RNF17: variants seen among roughly 807,000 people sequenced by gnomAD.
The protein encoded by RNF17 is ring finger protein 17, also known as spermatogenesis associated 23.
RNF17 carries 31 observed loss-of-function variants against 200.5 expected under a neutral mutation model. That is an observed-to-expected ratio of 0.15 (90% CI 0.12 to 0.21). The LOEUF is 0.21. Ranked by LOEUF, RNF17 falls within the 10% of genes least tolerant of loss-of-function variation. The pLI, the probability that RNF17 is intolerant of heterozygous loss-of-function variation, is 1.00. For synonymous variants in RNF17, 606 were observed against 637.8 expected (o/e 0.95, Z 0.75); for missense variants, 1,628 against 1,905.1 (o/e 0.85, Z 2.71).
At chr13:24,758,975 G>C in the RNF17 span, among the ~76,000 whole-genome samples, 2 of 150,690 alleles carry the variant, frequency 1.3e-5, no homozygotes, top group South Asian at 4.2e-4. Context: ...ACTTACTCGG[G>C]AGGCTGAGCC....
chr13:24,756,613 A>T, the RNF17 span, among the ~76,000 whole-genome samples: 6 of 151,932 alleles, frequency 3.9e-5, no homozygotes, highest in Non-Finnish European at 8.8e-5. Context: ...AACCACTCAG[A>T]TCCACTTCTG....
chr13:24,778,478 T>C (rs1881891735), intron 4 of RNF17, 72 bp downstream of exon 4: 1 of 930,052 alleles, frequency 1.1e-6, no homozygotes, highest in Admixed American at 1.9e-5. Flanking sequence ...CTCAACTTTC[T>C]TCTCCTATAA....
In RNF17 at chr13:24,876,947, A is replaced by G. The variant is rs200860408; in HGVS notation, c.4584-50A>G. On this transcript the variant is annotated intron_variant, in intron 33 of 35. Coordinates refer to ENST00000255324, the MANE Select transcript of RNF17 (RefSeq NM_031277.3). ...CCCTATGTTTTCTTCTAAGAATTGG[A>G]TAGTTTCAGCCGGAAGAGAATTTTA... The G allele has an allele frequency of 7.7e-6, 11 of 1,430,168 alleles. No individual in the cohort carries two copies. The Admixed American group carries it at 9.4e-5, about 12-fold the overall frequency. 88.6% of individuals were successfully genotyped at this position (1,430,168 alleles called of 1,614,324 possible).
chr13:24,879,097 T>A (rs1238175335), intron 34 of RNF17, 90 bp from the exon 35 acceptor site: 44 of 928,544 alleles, frequency 4.7e-5, no homozygotes, highest in East Asian at 4.2e-4. Flanking sequence ...TGAGAACACC[T>A]TTTCACACCC....
chr13:24,879,165 C>G (rs768794500), intron 34 of RNF17, 22 bp from the exon 35 acceptor site: 1 of 1,565,148 alleles, frequency 6.4e-7, no homozygotes, highest in Admixed American at 1.7e-5. Flanking sequence ...GTTTTCTTGA[C>G]AACTGTATCT....
At position 24,804,837 on chromosome 13, in the gene RNF17, G is replaced by T. The variant is rs146810322; in HGVS notation, c.2091+408G>T. ...ATTTCGTATTGAACTTTGGATGTGT[G>T]ACTGATGTGTTTAGATAGTAACAAT... On this transcript the variant is annotated intron_variant, in intron 15 of 35. Transcript: ENST00000255324. 3.7e-4 allele frequency among the ~76,000 whole-genome samples: 57 copies of T among 152,278 alleles called. No individual in the cohort carries two copies. In the East Asian group the frequency reaches 9.8e-3, roughly 26 times the overall value.
chr13:24,804,536 CACT>C, intron 15 of RNF17, 107 bp downstream of exon 15: 1 of 738,152 alleles, frequency 1.4e-6, no homozygotes, highest in East Asian at 2.9e-5. Flanking sequence ...GCAAACGTAC[CACT>C]GTTAACCTTC....
At chr13:24,832,152 T>C (rs75794130) in intron 18 of RNF17, among the ~76,000 whole-genome samples, 174 bp downstream of exon 18, 21 of 152,316 alleles carry the variant, frequency 1.4e-4, no homozygotes, top group Non-Finnish European at 2.8e-4. Flanking sequence ...TCTAAAGTCA[T>C]CAGGACAAAA....
Position 24,842,090 on chromosome 13 carries a change from T to A in RNF17, c.2532T>A (p.Gly844=). 6.2e-7 allele frequency: 1 copy of A among 1,611,906 alleles called. No homozygotes were observed. Residue 844 remains glycine (G), a synonymous_variant, in exon 19 of 36, where the codon GGT becomes GGA. Coordinates refer to ENST00000255324, the MANE Select transcript of RNF17 (RefSeq NM_031277.3). ...TAGTTGAGCTTTTCGATTCTCTTGG[T>A]GCTCCTGAAATGACTACTACTAGTA... ...VLLVELFDSL[G]APEMTTTSIN...
intron 26 of RNF17, 111 bp from the exon 27 acceptor site, chr13:24,861,157 G>T: frequency 1.2e-6 from 1 of 841,248 alleles, no homozygotes; most frequent in South Asian, 1.8e-5. Context: ...GGGATTATAG[G>T]CATGAGCCAT....
At chr13:24,747,893 C>T in the RNF17 span, among the ~76,000 whole-genome samples, 1 of 152,246 alleles carries the variant, frequency 6.6e-6, no homozygotes, top group Non-Finnish European at 1.5e-5. Context: ...CTGGTACGGA[C>T]ACCAAGGCCC....
In RNF17 at chr13:24,877,179, T is replaced by C. The variant is rs142749032; in HGVS notation, c.4766T>C (p.Val1589Ala). 2.5e-6 allele frequency: 4 copies of C among 1,608,466 alleles called. No homozygotes were observed. In the African/African-American group the frequency reaches 4.0e-5, roughly 16 times the overall value. ...DCLQGKQLYA[V>A]SMAPAPEQIV... is the part of the protein sequence containing the mutation. ...CTTCAAGGAAAACAACTCTATGCTG[T>C]GTCCATGGTAAGTGTCTCAAGTAGC... The change falls in exon 34 of 36, where the codon GTG becomes GCG. Residue 1589 changes from valine (V) to alanine (A), a missense_variant. Coordinates refer to ENST00000255324, the MANE Select transcript of RNF17 (RefSeq NM_031277.3).
rs1459917614 is a variant in RNF17 at position 24,825,783 on chromosome 13, G to A, written c.2245+11G>A. 6.2e-7 allele frequency: 1 copy of A among 1,609,408 alleles called. No individual in the cohort carries two copies. Among genetic ancestry groups the A allele is most frequent in the Non-Finnish European group, 8.5e-7 (1 of 1,177,604 alleles). ...GAGCAAAAGTTATCGGTAGGAGAAT[G>A]CATGCTGTTTCTACAGGGAGATGTC... On this transcript the variant is annotated intron_variant, in intron 16 of 35. Transcript: ENST00000255324.
intron 24 of RNF17, among the ~76,000 whole-genome samples, chr13:24,851,795 C>T (rs570109941): frequency 2.4e-4 from 36 of 152,226 alleles, no homozygotes; most frequent in Admixed American, 3.9e-4. Flanking sequence ...TACTGACATA[C>T]TTGCTTTTGT....
intron 15 of RNF17, among the ~76,000 whole-genome samples, chr13:24,807,079 T>C (rs1885981462): frequency 6.6e-6 from 1 of 151,730 alleles, no homozygotes; most frequent in Admixed American, 6.6e-5. Flanking sequence ...TCCAAGTCTT[T>C]GCTATCATGA....
chr13:24,861,248 T>C lies in RNF17; in HGVS notation c.3775-20T>C. ...TTTAATAATAAATTTTAACTATAAA[T>C]TGTATTTGTCGTGTTTCAGGTACAA... On this transcript the variant is annotated intron_variant, in intron 26 of 35. Coordinates refer to ENST00000255324, the MANE Select transcript of RNF17 (RefSeq NM_031277.3). 1 of 1,556,262 alleles carries C rather than the reference T, an allele frequency of 6.4e-7. No homozygotes were observed. Among genetic ancestry groups the C allele is most frequent in the South Asian group, 1.2e-5 (1 of 85,918 alleles).
At chr13:24,840,565 C>T (rs1306755632) in intron 18 of RNF17, among the ~76,000 whole-genome samples, 1 of 151,962 alleles carries the variant, frequency 6.6e-6, no homozygotes, top group Non-Finnish European at 1.5e-5. Context: ...TGGACTACTA[C>T]ACAGCCATAA....
In RNF17 at chr13:24,764,274, C is replaced by T. The variant is rs1332755596; in HGVS notation, c.71C>T (p.Pro24Leu). ...CAGCGAATGGGGAGGAAGAGTCAGC[C>T]CTGGGGTGCCGCTGAAATCCAGTGC... is the stretch of plus-strand genomic sequence containing the variant. ...SYQRMGRKSQPWGAAEIQCTR... is the reference protein window; with the variant it reads ...SYQRMGRKSQLWGAAEIQCTR... Residue 24 changes from proline (P) to leucine (L), a missense_variant, in exon 1 of 36, where the codon CCC becomes CTC. Pro to Leu is a moderately conservative substitution (Grantham distance 98, BLOSUM62 -3). Coordinates refer to ENST00000255324, the MANE Select transcript of RNF17 (RefSeq NM_031277.3). The T allele has an allele frequency of 1.9e-6, 3 of 1,611,454 alleles. No individual in the cohort carries two copies. The highest frequency in any genetic ancestry group is 1.7e-6 in the Non-Finnish European group (2 of 1,178,164).
the RNF17 span, chr13:24,885,467 G>GTGTT: frequency 5.8e-6 from 7 of 1,197,214 alleles, no homozygotes; most frequent in African/African-American, 6.0e-5. Context: ...TCTAGGACTA[G>GTGTT]TGTTTACAAA....
Sources: allele counts gnomAD v4.1 joint callset (sites outside exome capture counted in the v4.1 genomes callset), GRCh38; gene constraint gnomAD v4.1.1; transcripts MANE v1.5; gene names NCBI Gene and HGNC (gene_info 2026-07-23, HGNC 2026-07-21).